TMEM178B: variants seen among roughly 807,000 people sequenced by gnomAD.
TMEM178B encodes the protein transmembrane protein 178B.
In TMEM178B, 5 loss-of-function variants were observed where a neutral mutation model predicts 31.0. The observed-to-expected ratio is 0.16, with a 90% CI of 0.08 to 0.34. TMEM178B has a LOEUF of 0.34. Ranked by LOEUF, TMEM178B falls within the 10% of genes least tolerant of loss-of-function variation. The pLI is 1.00. For synonymous variants in TMEM178B, 164 were observed against 164.0 expected, an observed-to-expected ratio of 1.00 and a Z score of 0.00; for missense variants, 275 against 400.3, an observed-to-expected ratio of 0.69 and a Z score of 2.67.
chr7:141,504,770 C>T, the TMEM178B span, among the ~76,000 whole-genome samples: 10 of 152,290 alleles, frequency 6.6e-5, no homozygotes, highest in East Asian at 1.3e-3. Context: ...TGAAGTCTGA[C>T]GCTTTAATGC....
chr7:141,140,594 A>T (rs1483529640), intron 1 of TMEM178B, among the ~76,000 whole-genome samples: 3 of 152,154 alleles, frequency 2.0e-5, no homozygotes, highest in African/African-American at 7.2e-5. Flanking sequence ...TTTTTACCAG[A>T]TGTCCTTTTT....
At chr7:141,304,514 C>G (rs113634633) in intron 2 of TMEM178B, among the ~76,000 whole-genome samples, 2,690 of 152,252 alleles carry the variant, frequency 0.018, 31 homozygotes, top group Middle Eastern at 0.058. Context: ...ACTCTCGTCT[C>G]CAGGGCTCTC....
At chr7:141,451,928 C>G (rs1191872439) in intron 3 of TMEM178B, among the ~76,000 whole-genome samples, 1 of 152,196 alleles carries the variant, frequency 6.6e-6, no homozygotes, top group Non-Finnish European at 1.5e-5. Flanking sequence ...CCACCTGTCA[C>G]CTGTCCTTGA....
At chr7:141,227,721 A>T (rs1797369291) in intron 2 of TMEM178B, among the ~76,000 whole-genome samples, 1 of 152,220 alleles carries the variant, frequency 6.6e-6, no homozygotes, top group Non-Finnish European at 1.5e-5. Context: ...AGCAGGGGAT[A>T]TGAACTTCGC....
chr7:141,132,904 C>T (rs1795616302), intron 1 of TMEM178B, among the ~76,000 whole-genome samples: 1 of 152,194 alleles, frequency 6.6e-6, no homozygotes, highest in Admixed American at 6.5e-5. Context: ...CCCTGTCTCC[C>T]ACAGAGCCTT....
chr7:141,187,525 C>T (rs1213542100), intron 1 of TMEM178B, among the ~76,000 whole-genome samples: 1 of 152,122 alleles, frequency 6.6e-6, no homozygotes, highest in Non-Finnish European at 1.5e-5. Context: ...ACACTGACTT[C>T]CACAATGGTT....
intron 1 of TMEM178B, among the ~76,000 whole-genome samples, chr7:141,149,271 T>C (rs532637172): frequency 3.3e-5 from 5 of 152,306 alleles, no homozygotes; most frequent in African/African-American, 1.2e-4. Flanking sequence ...AAATAGGGCC[T>C]TTAGGCCAGG....
At chr7:141,404,792 C>T (rs556311782) in intron 2 of TMEM178B, among the ~76,000 whole-genome samples, 21 of 152,320 alleles carry the variant, frequency 1.4e-4, no homozygotes, top group South Asian at 8.3e-4. Flanking sequence ...GAAATTGGGG[C>T]TCAGAGAAGT....
At chr7:141,276,730 C>T (rs953523130) in intron 2 of TMEM178B, among the ~76,000 whole-genome samples, 1 of 151,978 alleles carries the variant, frequency 6.6e-6, no homozygotes, top group Non-Finnish European at 1.5e-5. Flanking sequence ...GTGATTTTGC[C>T]GTTATGCAAA....
intron 1 of TMEM178B, among the ~76,000 whole-genome samples, chr7:141,183,690 C>T (rs1488300074): frequency 6.6e-6 from 1 of 152,198 alleles, no homozygotes; most frequent in Admixed American, 6.5e-5. Context: ...GCCGAGACTG[C>T]ATTTTCTTAC....
At chr7:141,196,242 C>T (rs910140223) in intron 1 of TMEM178B, among the ~76,000 whole-genome samples, 53 of 151,944 alleles carry the variant, frequency 3.5e-4, no homozygotes, top group Non-Finnish European at 6.8e-4. Flanking sequence ...CCACTTTTTT[C>T]TGGTTTTTAC....
At chr7:141,210,868 TC>T (rs1353662758) in intron 1 of TMEM178B, among the ~76,000 whole-genome samples, 1 of 152,144 alleles carries the variant, frequency 6.6e-6, no homozygotes, top group African/African-American at 2.4e-5. Flanking sequence ...GGTGCTGGAC[TC>T]CAGGGACATT....
At chr7:141,369,645 G>A (rs562740192) in intron 2 of TMEM178B, among the ~76,000 whole-genome samples, 2 of 152,310 alleles carry the variant, frequency 1.3e-5, no homozygotes, top group East Asian at 3.9e-4. Flanking sequence ...GCTCTCTGCA[G>A]ACTGGCTGTG....
At chr7:141,133,554 A>C (rs150135402) in intron 1 of TMEM178B, among the ~76,000 whole-genome samples, 1 of 152,154 alleles carries the variant, frequency 6.6e-6, no homozygotes, top group Non-Finnish European at 1.5e-5. Flanking sequence ...AAAAATAAAA[A>C]TAAAAAAGAA....
intron 2 of TMEM178B, among the ~76,000 whole-genome samples, chr7:141,214,126 A>G (rs1797093778): frequency 6.6e-6 from 1 of 152,246 alleles, no homozygotes; most frequent in Non-Finnish European, 1.5e-5. Flanking sequence ...ATGTAGAAAT[A>G]TACAATAGCT....
chr7:141,499,657 A>C, the TMEM178B span, among the ~76,000 whole-genome samples: 1 of 151,734 alleles, frequency 6.6e-6, no homozygotes, highest in African/African-American at 2.4e-5. Context: ...CAACAAAAAA[A>C]CCCCACAAAA....
intron 2 of TMEM178B, among the ~76,000 whole-genome samples, chr7:141,258,225 A>C (rs1256157315): frequency 6.6e-6 from 1 of 151,528 alleles, no homozygotes; most frequent in East Asian, 1.9e-4. Flanking sequence ...TATGTTATAA[A>C]CCCCCAGATA....
At chr7:141,219,539 A>G (rs574994678) in intron 2 of TMEM178B, among the ~76,000 whole-genome samples, 2 of 152,330 alleles carry the variant, frequency 1.3e-5, no homozygotes, top group Admixed American at 1.3e-4. Flanking sequence ...CTTGGTAGCA[A>G]GAAGACTCAG....
At chr7:141,196,146 CAT>C (rs1250515423) in intron 1 of TMEM178B, among the ~76,000 whole-genome samples, 1 of 152,136 alleles carries the variant, frequency 6.6e-6, no homozygotes. Flanking sequence ...CACACACACA[CAT>C]GCACACACAC....
Sources: allele counts gnomAD v4.1 joint callset (sites outside exome capture counted in the v4.1 genomes callset), GRCh38; gene constraint gnomAD v4.1.1; transcripts MANE v1.5; gene names NCBI Gene and HGNC (gene_info 2026-07-23, HGNC 2026-07-21).